ATP8A2: variants seen among roughly 807,000 people sequenced by gnomAD.
ATP8A2 encodes the protein phospholipid-transporting ATPase IB.
Under a neutral mutation model 165.6 loss-of-function variants are expected in ATP8A2, and 100 were observed. The observed-to-expected ratio is 0.60, with a 90% CI of 0.51 to 0.71. The LOEUF (loss-of-function observed/expected upper bound fraction) is 0.71. Ranked by LOEUF, ATP8A2 falls within the 30% of genes least tolerant of loss-of-function variation. The pLI is 0.00. For synonymous variants in ATP8A2, 543 were observed against 548.8 expected (o/e 0.99, Z 0.15); for missense variants, 1,227 against 1,479.5 (o/e 0.83, Z 2.80).
chr13:25,740,181 C>T (rs1354014123), intron 25 of ATP8A2, among the ~76,000 whole-genome samples: 2 of 152,000 alleles, frequency 1.3e-5, no homozygotes, highest in Non-Finnish European at 2.9e-5. Flanking sequence ...TGGTGGTGGG[C>T]GCCTGTAGTC....
In ATP8A2 at chr13:25,990,587, G is replaced by T. The variant is rs571857216; in HGVS notation, c.3377+21908G>T. Among the ~76,000 whole-genome samples the T allele has an allele frequency of 2.6e-5, 4 of 152,334 alleles. No individual in the cohort carries two copies. The South Asian group carries it at 8.3e-4, about 32-fold the overall frequency. On this transcript the variant is annotated intron_variant, in intron 35 of 36. Coordinates refer to ENST00000381655, the MANE Select transcript of ATP8A2 (RefSeq NM_016529.6). ...TGTGGCCAGCTGGGGCAGAGGGAGG[G>T]AGGGAAGCACAGTAGGAAATAGCGT...
At chr13:25,854,155 G>A (rs1452954246) in intron 30 of ATP8A2, among the ~76,000 whole-genome samples, 14 of 151,830 alleles carry the variant, frequency 9.2e-5, no homozygotes, top group Admixed American at 8.5e-4. Flanking sequence ...TCTTCCTCTC[G>A]TGAACTTAAA....
intron 25 of ATP8A2, among the ~76,000 whole-genome samples, chr13:25,743,861 T>C (rs773161857): frequency 4.6e-5 from 7 of 152,194 alleles, no homozygotes; most frequent in Non-Finnish European, 8.8e-5. Context: ...GTGAGGAACA[T>C]GCATACTCTC....
rs577960315 is a variant in ATP8A2, at chr13:25,491,144, C to CT, written c.221+22032dup. Reference sequence around the variant, plus strand: ...CACATATTTATTTTATTTACTTTTTCTTTTTTTTTGAAGTGCTGTTGGACT... The same window carrying CT: ...CACATATTTATTTTATTTACTTTTTCTTTTTTTTTTGAAGTGCTGTTGGACT... On this transcript the variant is annotated intron_variant, in intron 2 of 36. Transcript: ENST00000381655. Among the ~76,000 whole-genome samples, 7 of 150,978 alleles carry CT rather than the reference C, an allele frequency of 4.6e-5. No individual in the cohort carries two copies. The South Asian group carries it at 6.3e-4, about 14-fold the overall frequency.
At chr13:25,527,285 C>T (rs1343932053) in intron 2 of ATP8A2, among the ~76,000 whole-genome samples, 1 of 152,130 alleles carries the variant, frequency 6.6e-6, no homozygotes, top group Non-Finnish European at 1.5e-5. Flanking sequence ...ATCCCTGCTA[C>T]TCAAAGTGTG....
chr13:25,994,973 A>C (rs1030286504), intron 35 of ATP8A2, among the ~76,000 whole-genome samples: 5 of 152,014 alleles, frequency 3.3e-5, no homozygotes, highest in African/African-American at 1.2e-4. Flanking sequence ...CTTTTGGTAA[A>C]ATTCTCCAGT....
chr13:25,622,609 G>T (rs545990233), intron 24 of ATP8A2, among the ~76,000 whole-genome samples: 8 of 152,098 alleles, frequency 5.3e-5, no homozygotes, highest in Non-Finnish European at 1.2e-4. Flanking sequence ...CTTTTTAAGT[G>T]CTGACAGGAG....
intron 15 of ATP8A2, among the ~76,000 whole-genome samples, chr13:25,563,594 CTT>C (rs1273140676): frequency 1.3e-5 from 2 of 152,120 alleles, no homozygotes; most frequent in African/African-American, 4.8e-5. Context: ...AATATTTACT[CTT>C]GTTTTATTTG....
Position 25,776,731 on chromosome 13 carries a change from C to T in ATP8A2, c.2679+1772C>T, listed in dbSNP as rs143788832. On this transcript the variant is annotated intron_variant, in intron 27 of 36. Coordinates refer to ENST00000381655, the MANE Select transcript of ATP8A2 (RefSeq NM_016529.6). ...GAGGTATCGTAGGGTCATGGACCAT[C>T]GTGTAAAAGGGTATTAGAATCTCTG... Among the ~76,000 whole-genome samples, 141 of 152,244 alleles carry T rather than the reference C, an allele frequency of 9.3e-4. 1 individual carries two copies. The highest frequency in any genetic ancestry group is 3.3e-3 in the African/African-American group (139 of 41,546).
At chr13:25,687,708 C>A (rs1006447871) in intron 24 of ATP8A2, among the ~76,000 whole-genome samples, 21 of 152,106 alleles carry the variant, frequency 1.4e-4, no homozygotes, top group Non-Finnish European at 2.8e-4. Flanking sequence ...ATTCCCATTT[C>A]CTCTCTGGTC....
intron 33 of ATP8A2, among the ~76,000 whole-genome samples, chr13:25,892,110 G>A (rs1250688050): frequency 6.6e-6 from 1 of 151,810 alleles, no homozygotes; most frequent in African/African-American, 2.4e-5. Context: ...CGAGTAACTG[G>A]GACTACAGGC....
chr13:25,631,671 C>T (rs2137516431), intron 24 of ATP8A2, among the ~76,000 whole-genome samples: 1 of 152,128 alleles, frequency 6.6e-6, no homozygotes, highest in Admixed American at 6.6e-5. Context: ...CAGTGGGTTG[C>T]TCATATACCT....
At position 25,974,363 on chromosome 13, in the gene ATP8A2, T is replaced by TGAGG. The variant is rs1327746625; in HGVS notation, c.3377+5685_3377+5686insAGGG. 6.7e-4 allele frequency among the ~76,000 whole-genome samples: 102 copies of TGAGG among 152,310 alleles called. 1 individual carries two copies. In the East Asian group the frequency reaches 0.018, roughly 27 times the overall value. On this transcript the variant is annotated intron_variant, in intron 35 of 36. Coordinates refer to ENST00000381655, the MANE Select transcript of ATP8A2 (RefSeq NM_016529.6). ...TGTGAATGCAGCAGGCTCTCCGAGT[T>TGAGG]GCATCGTCGGGGTGTGCCCCCTAGT...
intron 33 of ATP8A2, among the ~76,000 whole-genome samples, chr13:25,938,879 A>G (rs1372979362): frequency 6.8e-6 from 1 of 147,694 alleles, no homozygotes; most frequent in Non-Finnish European, 1.5e-5. Flanking sequence ...GTCTCACTCT[A>G]TCCCCCAGGC....
chr13:25,925,874 C>T (rs575065690), intron 33 of ATP8A2, among the ~76,000 whole-genome samples: 4 of 151,820 alleles, frequency 2.6e-5, no homozygotes, highest in Admixed American at 6.6e-5. Flanking sequence ...ACTACAGGCG[C>T]GCCACCATGC....
intron 2 of ATP8A2, among the ~76,000 whole-genome samples, chr13:25,492,785 C>T (rs558541175): frequency 6.6e-6 from 1 of 152,272 alleles, no homozygotes; most frequent in South Asian, 2.1e-4. Flanking sequence ...TACCTGTTGG[C>T]TTGTTATTAC....
At chr13:25,793,706 A>G (rs2138418752) in intron 27 of ATP8A2, among the ~76,000 whole-genome samples, 1 of 152,262 alleles carries the variant, frequency 6.6e-6, no homozygotes, top group Middle Eastern at 3.4e-3. Context: ...GGTAATAGCA[A>G]AGACATTTTG....
intron 33 of ATP8A2, among the ~76,000 whole-genome samples, chr13:25,921,707 G>A (rs978832324): frequency 1.3e-5 from 2 of 151,822 alleles, no homozygotes; most frequent in Admixed American, 1.3e-4. Flanking sequence ...ATCTTGTACT[G>A]TCATGAAAGA....
At chr13:25,506,467 G>A (rs577323721) in intron 2 of ATP8A2, among the ~76,000 whole-genome samples, 19 of 152,322 alleles carry the variant, frequency 1.2e-4, no homozygotes, top group African/African-American at 3.6e-4. Context: ...GGACATTTGC[G>A]TATTTCAGAA....
Sources: gnomAD v4.1 joint callset for allele counts (sites outside exome capture counted in the v4.1 genomes callset) on GRCh38, gnomAD v4.1.1 for gene constraint, MANE v1.5 for transcripts, NCBI Gene and HGNC (gene_info 2026-07-23, HGNC 2026-07-21) for gene names.